TTC28: variants seen among roughly 807,000 people sequenced by gnomAD.
TTC28 encodes tetratricopeptide repeat domain 28.
Under a neutral mutation model 198.0 loss-of-function variants are expected in TTC28, and 61 were observed. That is an observed-to-expected ratio of 0.31 (90% CI 0.25 to 0.38). The LOEUF is 0.38. Ranked by LOEUF, TTC28 falls within the 10% of genes least tolerant of loss-of-function variation. TTC28 has a pLI of 1.00. For synonymous variants in TTC28, 1,171 were observed against 1,297.8 expected, an observed-to-expected ratio of 0.90 and a Z score of 2.10; for missense variants, 2,678 against 3,164.0, an observed-to-expected ratio of 0.85 and a Z score of 3.69.
intron 6 of TTC28, among the ~76,000 whole-genome samples, chr22:28,141,879 C>T (rs1042714790): frequency 6.6e-6 from 1 of 152,198 alleles, no homozygotes; most frequent in East Asian, 1.9e-4. Context: ...CACATCAACA[C>T]AGGCACAAGG....
At chr22:28,437,505 G>T (rs1394140663) in intron 2 of TTC28, among the ~76,000 whole-genome samples, 1 of 152,200 alleles carries the variant, frequency 6.6e-6, no homozygotes, top group Non-Finnish European at 1.5e-5. Context: ...CAACTTTGGA[G>T]AACATTTACT....
intron 12 of TTC28, among the ~76,000 whole-genome samples, chr22:28,047,839 C>T (rs1046456465): frequency 9.2e-5 from 14 of 152,170 alleles, no homozygotes; most frequent in African/African-American, 3.4e-4. Context: ...TAGTTGATAA[C>T]AAGAGTATAT....
intron 2 of TTC28, among the ~76,000 whole-genome samples, chr22:28,536,115 C>T (rs1009024541): frequency 3.5e-5 from 5 of 141,660 alleles, no homozygotes; most frequent in Admixed American, 7.7e-5. Context: ...AGGAGAATGG[C>T]GGGAACCCGG....
rs996746765 is a variant in TTC28 at position 28,632,401 on chromosome 22, C to T, written c.103-2571G>A. 6.6e-5 allele frequency among the ~76,000 whole-genome samples: 10 copies of T among 151,332 alleles called. No homozygotes were observed. In the East Asian group the frequency reaches 7.8e-4, roughly 12 times the overall value. On this transcript the variant is annotated intron_variant, in intron 1 of 22. Transcript: ENST00000397906. ...AAGCAATTCTCCTGCCTCAGCCTCC[C>T]GAGTAGCTGGGATTACAGGCATGCA...
In TTC28 at chr22:28,275,926, A is replaced by G. The variant is rs532889344; in HGVS notation, c.933+20272T>C. Among the ~76,000 whole-genome samples the G allele has an allele frequency of 4.5e-4, 68 of 152,348 alleles. No individual in the cohort carries two copies. In the South Asian group the frequency reaches 0.014, roughly 31 times the overall value. The stretch of plus-strand genomic sequence containing the variant: ...CTCCCAGTTGAAACAGCATTGGACT[A>G]AAACTGATCTACAGAAAGTGACAGG... On this transcript the variant is annotated intron_variant, in intron 5 of 22. Transcript: ENST00000397906.
intron 5 of TTC28, among the ~76,000 whole-genome samples, chr22:28,252,601 A>G (rs1025229708): frequency 1.3e-5 from 2 of 152,210 alleles, no homozygotes; most frequent in Non-Finnish European, 1.5e-5. Context: ...TGCCAAGTTC[A>G]TCTCCATTAG....
chr22:28,413,423 TAA>T (rs908424064), intron 2 of TTC28, among the ~76,000 whole-genome samples: 2 of 148,748 alleles, frequency 1.3e-5, no homozygotes, highest in Admixed American at 1.3e-4. Flanking sequence ...GTCTTAAAAT[TAA>T]AAAAAAAAGT....
intron 5 of TTC28, among the ~76,000 whole-genome samples, chr22:28,276,897 A>G (rs930273103): frequency 6.6e-6 from 1 of 152,176 alleles, no homozygotes; most frequent in Non-Finnish European, 1.5e-5. Context: ...TTATTAAAAT[A>G]CTTAATAAAA....
In TTC28 at chr22:27,983,407, G is replaced by T. The variant is rs769824236; in HGVS notation, c.6260C>A (p.Pro2087His). 1.2e-5 allele frequency: 19 copies of T among 1,551,100 alleles called. No homozygotes were observed. In the South Asian group the frequency reaches 2.3e-4, roughly 18 times the overall value. Residue 2087 changes from proline (P) to histidine (H), a missense_variant, in exon 23 of 23, where the codon CCT becomes CAT. By Grantham distance (77) the Pro-to-His change is moderately conservative. Around this residue, in one of 8 missense-constraint regions of TTC28, gnomAD observed 622 missense variants for 656.0 expected, o/e 0.95. Transcript: ENST00000397906. ...CFSPDHKQPQ[P>H]GTAGGMRVSV... is the part of the protein sequence containing the mutation. ...GACTCTCATGCCTCCGGCTGTCCCA[G>T]GTTGGGGTTGTTTGTGGTCTGGTGA...
intron 1 of TTC28, among the ~76,000 whole-genome samples, chr22:28,672,507 G>C (rs566828738): frequency 6.6e-6 from 1 of 151,994 alleles, no homozygotes; most frequent in Admixed American, 6.6e-5. Flanking sequence ...TCACCCTGTT[G>C]GTCAGGCTGG....
intron 2 of TTC28, among the ~76,000 whole-genome samples, chr22:28,388,915 G>A (rs972677610): frequency 3.9e-5 from 6 of 152,138 alleles, no homozygotes; most frequent in African/African-American, 1.4e-4. Context: ...TCCCTGTCTT[G>A]TGCCAGTTTT....
chr22:28,027,973 C>CCT (rs1323452881), intron 13 of TTC28, among the ~76,000 whole-genome samples: 2 of 152,368 alleles, frequency 1.3e-5, no homozygotes, highest in Non-Finnish European at 2.9e-5. Flanking sequence ...TCTGTGGTTC[C>CCT]CTCAGCTGTA....
intron 2 of TTC28, among the ~76,000 whole-genome samples, chr22:28,334,759 G>C (rs2045680121): frequency 6.6e-6 from 1 of 152,144 alleles, no homozygotes; most frequent in Non-Finnish European, 1.5e-5. Flanking sequence ...CCCTTTGTCA[G>C]ATGAGCAGAT....
At chr22:28,215,460 C>T (rs1222901635) in intron 5 of TTC28, among the ~76,000 whole-genome samples, 1 of 152,024 alleles carries the variant, frequency 6.6e-6, no homozygotes, top group Non-Finnish European at 1.5e-5. Context: ...AAAATAATGC[C>T]TGCTCTGCCC....
chr22:28,555,008 G>GA lies in TTC28; in HGVS notation c.381+74543dup, dbSNP rs952546832. ...ATGCAGAACTCAAACAAATCAGCAA[G>GA]AAAAAAACAATCCCATCAAAAAGTG... On this transcript the variant is annotated intron_variant, in intron 2 of 22. Transcript: ENST00000397906. 9.9e-5 allele frequency among the ~76,000 whole-genome samples: 15 copies of GA among 152,094 alleles called. No individual in the cohort carries two copies. In the South Asian group the frequency reaches 2.7e-3, roughly 27 times the overall value.
In TTC28 at chr22:27,982,896, C is replaced by T; in HGVS notation, c.6771G>A (p.Met2257Ile). The T allele has an allele frequency of 6.4e-7, 1 of 1,551,308 alleles. No homozygotes were observed. Among genetic ancestry groups the T allele is most frequent in the South Asian group, 1.2e-5 (1 of 84,022 alleles). Residue 2257 changes from methionine to isoleucine, a missense_variant, in exon 23 of 23, where the codon ATG becomes ATA. Transcript: ENST00000397906. This position sits in a 1 kb window ranked among gnomAD's most constrained non-coding sequence, Gnocchi z 5.2. Reference sequence around the variant, plus strand: ...GCTGGCTCGGGCTGTCTTTGATGGACATCTCTGAGGTGGTGGGGCTGCTAT... The same window carrying T: ...GCTGGCTCGGGCTGTCTTTGATGGATATCTCTGAGGTGGTGGGGCTGCTAT... ...SGYSSPTTSEMSIKDSPSQHS... is the reference protein window; with the variant it reads ...SGYSSPTTSEISIKDSPSQHS...
At chr22:28,655,559 A>G (rs2051631852) in intron 1 of TTC28, among the ~76,000 whole-genome samples, 1 of 152,144 alleles carries the variant, frequency 6.6e-6, no homozygotes, top group Non-Finnish European at 1.5e-5. Flanking sequence ...AAGATACACT[A>G]TTTCATCTTA....
At chr22:28,126,768 T>C (rs1942923593) in intron 6 of TTC28, among the ~76,000 whole-genome samples, 1 of 152,178 alleles carries the variant, frequency 6.6e-6, no homozygotes, top group African/African-American at 2.4e-5. Context: ...AACACTGGAT[T>C]AAACAAAGTT....
At chr22:28,016,171 C>T (rs1325881900) in intron 13 of TTC28, among the ~76,000 whole-genome samples, 1 of 152,126 alleles carries the variant, frequency 6.6e-6, no homozygotes, top group South Asian at 2.1e-4. Context: ...CACATCCGCT[C>T]CCTGGCCTCA....
Sources: gnomAD v4.1 joint callset for allele counts (sites outside exome capture counted in the v4.1 genomes callset) on GRCh38, gnomAD v4.1.1 for gene constraint, gnomAD v4.1.1 regional missense constraint, Gnocchi (gnomAD v3.1) non-coding constraint, MANE v1.5 for transcripts, NCBI Gene and HGNC (gene_info 2026-07-23, HGNC 2026-07-21) for gene names.